GABRB3: variants seen among roughly 807,000 people sequenced by gnomAD.
GABRB3 encodes gamma-aminobutyric acid receptor subunit beta-3.
A neutral mutation model predicts 52.1 loss-of-function variants in GABRB3; 14 were observed. That is an observed-to-expected ratio of 0.27 (90% CI 0.18 to 0.42). GABRB3 has a LOEUF of 0.42. Ranked by LOEUF, GABRB3 falls within the 10% of genes least tolerant of loss-of-function variation. GABRB3 has a pLI of 1.00. For missense variants in GABRB3, 307 were observed against 609.1 expected, an observed-to-expected ratio of 0.50 and a Z score of 5.22; for synonymous variants, 260 against 232.3, an observed-to-expected ratio of 1.12 and a Z score of -1.08.
intron 3 of GABRB3, chr15:26,772,000 T>C (rs1213821002): frequency 5.3e-6 from 1 of 186,986 alleles, no homozygotes; most frequent in Non-Finnish European, 1.1e-5. Flanking sequence ...ACCTCTTACC[T>C]AGAATATAGG....
chr15:26,688,160 C>T (rs531644487), intron 3 of GABRB3, among the ~76,000 whole-genome samples: 2 of 152,304 alleles, frequency 1.3e-5, no homozygotes, highest in East Asian at 1.9e-4. Context: ...GAGTCAATGG[C>T]AAGTATATCC....
At chr15:26,762,577 CT>C (rs1235892947) in intron 3 of GABRB3, among the ~76,000 whole-genome samples, 4 of 152,180 alleles carry the variant, frequency 2.6e-5, no homozygotes, top group African/African-American at 9.7e-5. Context: ...TCTTCACCCC[CT>C]CATGAAGATT....
chr15:26,764,289 T>A (rs1014129604), intron 3 of GABRB3, among the ~76,000 whole-genome samples: 1 of 143,532 alleles, frequency 7.0e-6, no homozygotes, highest in African/African-American at 2.6e-5. Flanking sequence ...GGAATTCTTT[T>A]ATTGTAGAAC....
chr15:26,680,711 T>C (rs1221149259), intron 3 of GABRB3, among the ~76,000 whole-genome samples: 1 of 152,200 alleles, frequency 6.6e-6, no homozygotes, highest in Non-Finnish European at 1.5e-5. Flanking sequence ...ACTGACTCCA[T>C]AGAATTGGAT....
Position 26,661,957 on chromosome 15 carries a change from A to G in GABRB3, c.241-40423T>C, listed in dbSNP as rs371145358. Among the ~76,000 whole-genome samples, 8 of 152,332 alleles carry G rather than the reference A, an allele frequency of 5.3e-5. No individual in the cohort carries two copies. The East Asian group carries it at 7.7e-4, about 15-fold the overall frequency. On this transcript the variant is annotated intron_variant, in intron 3 of 8. Coordinates refer to ENST00000311550, the MANE Select transcript of GABRB3 (RefSeq NM_000814.6). ...CACATGAAAAAAAATGTTGCATTAT[A>G]TAACAGACACTGAGTATTCAATTAA...
chr15:26,736,044 A>G (rs1473188672), intron 3 of GABRB3, among the ~76,000 whole-genome samples: 1 of 152,118 alleles, frequency 6.6e-6, no homozygotes, highest in Non-Finnish European at 1.5e-5. Context: ...TCACAGAGAC[A>G]GAAAGTAAGG....
At chr15:26,752,027 A>G (rs919197848) in intron 3 of GABRB3, among the ~76,000 whole-genome samples, 1 of 152,124 alleles carries the variant, frequency 6.6e-6, no homozygotes, top group Non-Finnish European at 1.5e-5. Context: ...AGCATGCTTT[A>G]AAACATTTTT....
rs575568071 is a variant in GABRB3 at position 26,622,449 on chromosome 15, C to T, written c.241-915G>A. The stretch of plus-strand genomic sequence containing the variant: ...CTAGTGATATTCACAGGACATTTTG[C>T]ACCCTTCTGTGGAAAGATACAAGCT... On this transcript the variant is annotated intron_variant, in intron 3 of 8. Transcript: ENST00000311550. Among the ~76,000 whole-genome samples the T allele has an allele frequency of 1.1e-4, 16 of 152,324 alleles. 1 individual carries two copies. The South Asian group carries it at 3.1e-3, about 30-fold the overall frequency.
intron 3 of GABRB3, among the ~76,000 whole-genome samples, chr15:26,678,563 T>TGA (rs541862935): frequency 0.012 from 1,629 of 133,230 alleles, 34 homozygotes; most frequent in Admixed American, 0.059. Flanking sequence ...AGAATGAGAG[T>TGA]GAGAGAGAGA....
chr15:26,760,178 T>G (rs907952871), intron 3 of GABRB3, among the ~76,000 whole-genome samples: 2 of 152,204 alleles, frequency 1.3e-5, no homozygotes, highest in African/African-American at 4.8e-5. Context: ...CTGACCACCA[T>G]GTGGACAACC....
chr15:26,772,884 T>C lies in GABRB3; in HGVS notation c.79A>G (p.Ser27Gly). ...VLVAVVCCAQ[S>G]VNDPGNMSFV... ...CCGCCGGCCCACCCGCGACCCTACC[T>C]CTGGGCGCAGCACACCACAGCCACC... The change falls in exon 1 of 9, where the codon AGT (serine) becomes GGT (glycine). Residue 27 changes from serine (S) to glycine (G), a missense_variant and splice_region_variant. Ser to Gly is a moderately conservative substitution (Grantham distance 56, BLOSUM62 0). Around this residue, in one of 6 missense-constraint regions of GABRB3, gnomAD observed 90 missense variants for 86.4 expected, o/e 1.04. Transcript: ENST00000311550. 1 of 1,480,866 alleles carries C rather than the reference T, an allele frequency of 6.8e-7. No individual in the cohort carries two copies. Among genetic ancestry groups the C allele is most frequent in the South Asian group, 1.3e-5 (1 of 77,432 alleles). 91.7% of individuals were successfully genotyped at this position (1,480,866 alleles called of 1,614,324 possible).
intron 3 of GABRB3, among the ~76,000 whole-genome samples, chr15:26,759,767 C>A (rs1426648547): frequency 6.6e-6 from 1 of 152,126 alleles, no homozygotes; most frequent in Non-Finnish European, 1.5e-5. Context: ...AAAAATGGTG[C>A]ATGAATTAAA....
intron 3 of GABRB3, chr15:26,657,092 ATT>A (rs1002608775): frequency 6.6e-6 from 1 of 152,174 alleles, no homozygotes; most frequent in African/African-American, 2.4e-5. Context: ...CTGGGAACCA[ATT>A]CTCTCTCCAT....
chr15:26,637,604 A>G (rs2140567268), intron 3 of GABRB3, among the ~76,000 whole-genome samples: 1 of 152,208 alleles, frequency 6.6e-6, no homozygotes, highest in East Asian at 1.9e-4. Context: ...AAAGATCTGT[A>G]TGTTTTTTCA....
chr15:26,738,577 A>G (rs755232893), intron 3 of GABRB3, among the ~76,000 whole-genome samples: 5 of 152,170 alleles, frequency 3.3e-5, no homozygotes, highest in East Asian at 1.9e-4. Flanking sequence ...ACTCTCACAC[A>G]CTGAGACTGC....
At chr15:26,565,223 A>G (rs1210548195) in intron 7 of GABRB3, among the ~76,000 whole-genome samples, 1 of 152,146 alleles carries the variant, frequency 6.6e-6, no homozygotes, top group Non-Finnish European at 1.5e-5. Flanking sequence ...ACTGCGTCAT[A>G]CTTTTTCTGA....
chr15:26,637,738 G>T (rs1893095410), intron 3 of GABRB3, among the ~76,000 whole-genome samples: 1 of 152,194 alleles, frequency 6.6e-6, no homozygotes, highest in African/African-American at 2.4e-5. Flanking sequence ...GGCAGACATT[G>T]TCTTGGCCAC....
chr15:26,755,451 C>T lies in GABRB3; in HGVS notation c.240+16951G>A, dbSNP rs115834418. ...TGAACATGTGTATTCTATTGCTCAC[C>T]TATCAGAATATCAAATATATAATTA... On this transcript the variant is annotated intron_variant, in intron 3 of 8. Coordinates refer to ENST00000311550, the MANE Select transcript of GABRB3 (RefSeq NM_000814.6). 6.0e-3 allele frequency among the ~76,000 whole-genome samples: 913 copies of T among 152,144 alleles called. 9 individuals are homozygous for T. Among genetic ancestry groups the T allele is most frequent in the African/African-American group, 0.02 (825 of 41,494 alleles).
At chr15:26,649,943 C>T (rs755061941) in intron 3 of GABRB3, among the ~76,000 whole-genome samples, 6 of 152,154 alleles carry the variant, frequency 3.9e-5, no homozygotes, top group Non-Finnish European at 5.9e-5. Context: ...TCCAATTCTA[C>T]GTTTAGAGAT....
Sources: allele counts gnomAD v4.1 joint callset (sites outside exome capture counted in the v4.1 genomes callset), GRCh38; gene constraint gnomAD v4.1.1; regional missense constraint gnomAD v4.1.1; transcripts MANE v1.5; gene names NCBI Gene and HGNC (gene_info 2026-07-23, HGNC 2026-07-21).